PARPBP: variants seen among roughly 807,000 people sequenced by gnomAD.
The protein encoded by PARPBP is PCNA-interacting partner.
A neutral mutation model predicts 50.0 loss-of-function variants in PARPBP; 52 were observed. That is an observed-to-expected ratio of 1.04 (90% CI 0.83 to 1.31). The LOEUF is 1.31. Among genes scored for constraint, PARPBP ranks in the 50% most tolerant of loss-of-function variants. The probability of loss-of-function intolerance (pLI) is 0.00; values close to 1 mark genes in which losing one functional copy is unlikely to be tolerated. For missense variants in PARPBP, 697 were observed against 672.0 expected (o/e 1.04, Z -0.41); for synonymous variants, 244 against 232.1 (o/e 1.05, Z -0.47).
chr12:102,154,082 A>G, intron 4 of PARPBP, 106 bp downstream of exon 4: 1 of 649,568 alleles, frequency 1.5e-6, no homozygotes, highest in Non-Finnish European at 2.7e-6. Flanking sequence ...TTTTTTTAAC[A>G]AATCTTTAGT....
rs538599764 is a variant in PARPBP, at chr12:102,174,869, G to C, written c.822-614G>C. On this transcript the variant is annotated intron_variant, in intron 6 of 10. Coordinates refer to ENST00000327680, the MANE Select transcript of PARPBP (RefSeq NM_017915.5). Reference sequence around the variant, plus strand: ...TTGGCCATAGTTGGTCCAGTTTCTTGTTTGCTTTAGGTCATTACTAACTTG... The same window carrying C: ...TTGGCCATAGTTGGTCCAGTTTCTTCTTTGCTTTAGGTCATTACTAACTTG... 7.2e-4 allele frequency among the ~76,000 whole-genome samples: 110 copies of C among 152,296 alleles called. 1 individual carries two copies. The highest frequency in any genetic ancestry group is 1.3e-3 in the African/African-American group (54 of 41,554).
At chr12:102,180,372 A>G (rs558186221) in intron 8 of PARPBP, among the ~76,000 whole-genome samples, 3 of 152,048 alleles carry the variant, frequency 2.0e-5, no homozygotes, top group African/African-American at 4.8e-5. Context: ...TGAAATTTTT[A>G]TTCTAACAAA....
chr12:102,146,589 C>T (rs1216467419), intron 2 of PARPBP, among the ~76,000 whole-genome samples: 25 of 152,236 alleles, frequency 1.6e-4, no homozygotes, highest in Admixed American at 1.0e-3. Context: ...AAGACTTAAA[C>T]GTTAGACCTA....
At chr12:102,124,686 G>T (rs1191786115) in intron 2 of PARPBP, among the ~76,000 whole-genome samples, 3 of 152,190 alleles carry the variant, frequency 2.0e-5, no homozygotes, top group Non-Finnish European at 4.4e-5. Flanking sequence ...TCAAAGTCAT[G>T]GTATGAACTT....
At chr12:102,148,574 A>G (rs370016162) in intron 3 of PARPBP, 111 bp downstream of exon 3, 91 of 510,250 alleles carry the variant, frequency 1.8e-4, no homozygotes, top group African/African-American at 1.1e-3. Context: ...TGCTTTGTGA[A>G]TCATGTTAAA....
At chr12:102,128,413 A>T (rs1299205803) in intron 2 of PARPBP, among the ~76,000 whole-genome samples, 3 of 152,020 alleles carry the variant, frequency 2.0e-5, no homozygotes, top group African/African-American at 7.3e-5. Context: ...TTGTATTTTT[A>T]GTAAAGACGG....
intron 6 of PARPBP, among the ~76,000 whole-genome samples, chr12:102,167,416 C>CT (rs1357023226): frequency 8.6e-5 from 13 of 151,710 alleles, no homozygotes; most frequent in Non-Finnish European, 1.8e-4. Flanking sequence ...TTTTTACTTT[C>CT]TTTTTTTTGC....
At chr12:102,120,711 G>C (rs953552031) in intron 1 of PARPBP, among the ~76,000 whole-genome samples, 3 of 152,162 alleles carry the variant, frequency 2.0e-5, no homozygotes. Context: ...TTTAAATTGA[G>C]CACCTACTAA....
intron 2 of PARPBP, among the ~76,000 whole-genome samples, chr12:102,144,700 C>G (rs1000439664): frequency 3.9e-5 from 6 of 152,128 alleles, no homozygotes; most frequent in South Asian, 2.1e-4. Context: ...TGAAGGATGT[C>G]AGACTAAAAA....
rs1209619401 is a variant in PARPBP at position 102,124,039 on chromosome 12, C to G, written c.151C>G (p.Gln51Glu). The G allele has an allele frequency of 6.5e-7, 1 of 1,533,026 alleles. No individual in the cohort carries two copies. The highest frequency in any genetic ancestry group is 8.7e-7 in the Non-Finnish European group (1 of 1,144,640). The allele number at this position is 1,533,026 out of a possible 1,614,324, so 95.0% of individuals were successfully genotyped here. A position where few individuals can be genotyped will look rare whatever the true frequency, so the allele number is the denominator to read the frequency against. The stretch of plus-strand genomic sequence containing the variant: ...GCTTTCTATGGCGGAGAACAACAAA[C>G]AGGTTGGTAAACTATATTTGGGTTA... ...LQLSMAENNKQHSGEFTVSLS... is the reference protein window; with the variant it reads ...LQLSMAENNKEHSGEFTVSLS... Residue 51 changes from glutamine to glutamate, a missense_variant and splice_region_variant, in exon 2 of 11, where the codon CAG (glutamine) becomes GAG (glutamate). Coordinates refer to ENST00000327680, the MANE Select transcript of PARPBP (RefSeq NM_017915.5).
At chr12:102,141,416 T>C (rs1378147961) in intron 2 of PARPBP, among the ~76,000 whole-genome samples, 4 of 152,188 alleles carry the variant, frequency 2.6e-5, no homozygotes, top group African/African-American at 9.7e-5. Context: ...TACAGCACAC[T>C]GATGGGTCTT....
intron 2 of PARPBP, among the ~76,000 whole-genome samples, chr12:102,140,230 G>C (rs1360198730): frequency 6.6e-6 from 1 of 152,152 alleles, no homozygotes; most frequent in Non-Finnish European, 1.5e-5. Flanking sequence ...ATGTGTCCAG[G>C]AATTGATCCA....
At chr12:102,136,206 G>T (rs1425022969) in intron 2 of PARPBP, among the ~76,000 whole-genome samples, 1 of 152,214 alleles carries the variant, frequency 6.6e-6, no homozygotes, top group Admixed American at 6.5e-5. Flanking sequence ...TTGGTAGTGT[G>T]AGGAAGTAGT....
chr12:102,176,733 T>G (rs11111195), intron 7 of PARPBP, among the ~76,000 whole-genome samples: 2,566 of 152,292 alleles, frequency 0.017, 68 homozygotes, highest in African/African-American at 0.06. Context: ...TTTTTATTAT[T>G]TATCATTCAT....
intron 2 of PARPBP, among the ~76,000 whole-genome samples, chr12:102,133,777 A>G (rs1164875755): frequency 1.3e-5 from 2 of 152,190 alleles, no homozygotes; most frequent in African/African-American, 2.4e-5. Flanking sequence ...GAAGATTGAA[A>G]TCATACTGAG....
intron 2 of PARPBP, among the ~76,000 whole-genome samples, chr12:102,126,405 C>T (rs1882003336): frequency 1.3e-5 from 2 of 152,130 alleles, no homozygotes; most frequent in African/African-American, 2.4e-5. Context: ...TTTCTATTTT[C>T]TACTGTAGTT....
At chr12:102,194,668 C>T (rs1891096742) in intron 9 of PARPBP, among the ~76,000 whole-genome samples, 1 of 151,854 alleles carries the variant, frequency 6.6e-6, no homozygotes, top group Non-Finnish European at 1.5e-5. Context: ...CAAGAGTATA[C>T]TTTGGATTTC....
intron 2 of PARPBP, among the ~76,000 whole-genome samples, chr12:102,143,430 T>C (rs1425850004): frequency 1.3e-5 from 2 of 152,226 alleles, no homozygotes; most frequent in African/African-American, 4.8e-5. Context: ...CCCCTTGCGC[T>C]TCCCGGGTGA....
At chr12:102,156,245 G>GGC (rs1166947609) in intron 4 of PARPBP, among the ~76,000 whole-genome samples, 5 of 132,770 alleles carry the variant, frequency 3.8e-5, no homozygotes, top group Non-Finnish European at 7.6e-5. Flanking sequence ...GGAGTGCAGT[G>GGC]GCGCAATCTC....
Sources: gnomAD v4.1 joint callset for allele counts (sites outside exome capture counted in the v4.1 genomes callset) on GRCh38, gnomAD v4.1.1 for gene constraint, MANE v1.5 for transcripts, NCBI Gene and HGNC (gene_info 2026-07-23, HGNC 2026-07-21) for gene names.